The following RTL4 variants were observed in gnomAD, a reference collection of about 807,000 sequenced individuals.
The protein encoded by RTL4 is retrotransposon Gag-like protein 4.
RTL4 carries 4 observed loss-of-function variants against 5.3 expected under a neutral mutation model. That is an observed-to-expected ratio of 0.75 (90% CI 0.37 to 1.72). The LOEUF (loss-of-function observed/expected upper bound fraction) is 1.72. Among genes scored for constraint, RTL4 ranks in the 40% most tolerant of loss-of-function variants. The pLI is 0.04. For synonymous variants in RTL4, 98 were observed against 87.3 expected, an observed-to-expected ratio of 1.12 and a Z score of -0.68; for missense variants, 260 against 227.1, an observed-to-expected ratio of 1.14 and a Z score of -0.93.
chrX:112,252,011 A>G, the RTL4 span, among the ~76,000 whole-genome samples: 71 of 111,665 alleles, frequency 6.4e-4, no homozygotes, highest in African/African-American at 2.1e-3. Flanking sequence ...AGAGGCATCA[A>G]TCTCTGATCC....
At chrX:112,131,923 C>G in the RTL4 span, among the ~76,000 whole-genome samples, 6 of 111,743 alleles carry the variant, frequency 5.4e-5, no homozygotes, top group Admixed American at 1.9e-4. Flanking sequence ...AGCTATTTTG[C>G]TATACGTCTA....
At chrX:112,341,182 A>T in the RTL4 span, among the ~76,000 whole-genome samples, 1 of 111,063 alleles carries the variant, frequency 9.0e-6, no homozygotes, top group Non-Finnish European at 1.9e-5. Flanking sequence ...AAAAAATGCA[A>T]TTGTCAAACG....
At chrX:112,411,807 C>T in the RTL4 span, among the ~76,000 whole-genome samples, 1 of 110,178 alleles carries the variant, frequency 9.1e-6, no homozygotes, top group Non-Finnish European at 1.9e-5. Flanking sequence ...ATAAGGATGC[C>T]CACTGTCAAC....
the RTL4 span, among the ~76,000 whole-genome samples, chrX:112,146,921 T>C: frequency 5.7e-4 from 59 of 103,906 alleles, no homozygotes; most frequent in African/African-American, 2.0e-3. Context: ...TTTGTCCATA[T>C]CTAGTATGTT....
the RTL4 span, among the ~76,000 whole-genome samples, chrX:112,404,441 C>G: frequency 9.0e-6 from 1 of 111,574 alleles, no homozygotes; most frequent in Non-Finnish European, 1.9e-5. Context: ...TATATTCCAC[C>G]TTCACAAAAT....
At chrX:112,193,680 C>G in the RTL4 span, among the ~76,000 whole-genome samples, 4 of 111,060 alleles carry the variant, frequency 3.6e-5, no homozygotes, top group South Asian at 1.5e-3. Context: ...TTCTGAGACT[C>G]CCTTTATGCA....
At chrX:112,442,365 C>T in the RTL4 span, among the ~76,000 whole-genome samples, 44 of 108,562 alleles carry the variant, frequency 4.1e-4, no homozygotes, top group African/African-American at 1.4e-3. Flanking sequence ...CTCAGCCTCA[C>T]GAGTAGCTAG....
At chrX:112,354,129 G>T in the RTL4 span, among the ~76,000 whole-genome samples, 2 of 111,079 alleles carry the variant, frequency 1.8e-5, no homozygotes, top group Non-Finnish European at 3.8e-5. Flanking sequence ...AGAGACTTTG[G>T]CATAGAAGGG....
chrX:112,087,901 T>A, the RTL4 span, among the ~76,000 whole-genome samples: 5 of 111,727 alleles, frequency 4.5e-5, no homozygotes, highest in African/African-American at 1.6e-4. Flanking sequence ...AAGTGACTCA[T>A]AACATAAAAT....
the RTL4 span, among the ~76,000 whole-genome samples, chrX:112,310,722 A>G: frequency 1.5e-4 from 11 of 75,050 alleles, no homozygotes; most frequent in Non-Finnish European, 2.5e-4. Context: ...TTTCAATATT[A>G]TATATTATAT....
chrX:112,388,049 T>C, the RTL4 span, among the ~76,000 whole-genome samples: 3 of 112,451 alleles, frequency 2.7e-5, no homozygotes, highest in Non-Finnish European at 5.6e-5. Context: ...TTCCTATTCA[T>C]GAGCATGGAA....
At chrX:112,429,773 A>AT in the RTL4 span, among the ~76,000 whole-genome samples, 1 of 110,174 alleles carries the variant, frequency 9.1e-6, no homozygotes, top group African/African-American at 3.3e-5. Context: ...CTGAGAAATT[A>AT]TTTTTTTCCT....
the RTL4 span, among the ~76,000 whole-genome samples, chrX:112,369,541 A>G: frequency 8.4e-3 from 943 of 111,811 alleles, 16 homozygotes; most frequent in African/African-American, 0.029. Flanking sequence ...ATGAATGAAT[A>G]AATGAATGAA....
chrX:112,447,315 C>T, the RTL4 span, among the ~76,000 whole-genome samples: 1 of 111,821 alleles, frequency 8.9e-6, no homozygotes, highest in African/African-American at 3.3e-5. Flanking sequence ...TTGATATCTG[C>T]TGGATGCCAG....
At chrX:112,281,431 T>A in the RTL4 span, among the ~76,000 whole-genome samples, 3 of 112,299 alleles carry the variant, frequency 2.7e-5, no homozygotes, top group Admixed American at 2.8e-4. Context: ...CTATTGGGAA[T>A]AATACTTCAA....
the RTL4 span, among the ~76,000 whole-genome samples, chrX:112,148,830 C>G: frequency 1.8e-5 from 2 of 111,965 alleles, no homozygotes; most frequent in Non-Finnish European, 3.8e-5. Flanking sequence ...ATAGTAACTT[C>G]TCAATTTGTG....
chrX:112,306,508 C>T, the RTL4 span, among the ~76,000 whole-genome samples: 35 of 111,558 alleles, frequency 3.1e-4, 1 homozygote, highest in South Asian at 0.013. Context: ...ATGACCTGCC[C>T]GAGGTCACAC....
rs773520328 is a variant in RTL4 at position 112,455,447 on chromosome X, A to T, written c.719A>T (p.Gln240Leu). The T allele has an allele frequency of 2.5e-6, 3 of 1,208,887 alleles. No homozygotes were observed. In the South Asian group the frequency reaches 5.3e-5, roughly 21 times the overall value. The change falls in exon 1 of 1, where the codon CAA (glutamine) becomes CTA (leucine). Residue 240 changes from glutamine (Q) to leucine (L), a missense_variant. Gln to Leu is a moderately radical substitution (Grantham distance 113, BLOSUM62 -2). Coordinates refer to ENST00000340433, the Ensembl canonical transcript of RTL4. ...CTCCCATTGTTGGCTTCCTTGATCCAACACCAAGCCCTCTTTAGCCCCACA... is the reference window on the plus strand; with the variant it reads ...CTCCCATTGTTGGCTTCCTTGATCCTACACCAAGCCCTCTTTAGCCCCACA...
the RTL4 span, among the ~76,000 whole-genome samples, chrX:112,261,420 C>T: frequency 9.0e-6 from 1 of 111,255 alleles, no homozygotes; most frequent in African/African-American, 3.3e-5. Flanking sequence ...AGAGCCAAAT[C>T]ATAAGTGAAC....
Sources: gnomAD v4.1 joint callset for allele counts (sites outside exome capture counted in the v4.1 genomes callset) on GRCh38, gnomAD v4.1.1 for gene constraint, MANE v1.5 for transcripts, NCBI Gene and HGNC (gene_info 2026-07-23, HGNC 2026-07-21) for gene names.